Variants in PTPRD observed in about 807,000 individuals in gnomAD.
The protein encoded by PTPRD is receptor-type tyrosine-protein phosphatase delta.
Under a neutral mutation model 214.5 loss-of-function variants are expected in PTPRD, and 34 were observed. The observed-to-expected ratio is 0.16, with a 90% CI of 0.12 to 0.21. PTPRD has a LOEUF of 0.21. Among genes scored for constraint, PTPRD ranks in the 10% least tolerant of loss-of-function variants. The pLI is 1.00. For missense variants in PTPRD, 2,545 were observed against 2,398.7 expected (o/e 1.06, Z -1.27); for synonymous variants, 1,128 against 845.7 (o/e 1.33, Z -5.79).
rs572906216 is a variant in PTPRD at position 9,924,778 on chromosome 9, T to G, written c.-368+13729A>C. ...TTAGCTTATTCCCTTTGACAGATACTTGAAAGCTAAAGTTTTGTGGGATTC... is the reference window on the plus strand; with the variant it reads ...TTAGCTTATTCCCTTTGACAGATACGTGAAAGCTAAAGTTTTGTGGGATTC... On this transcript the variant is annotated intron_variant, in intron 5 of 45. Transcript: ENST00000381196. Among the ~76,000 whole-genome samples the G allele has an allele frequency of 5.7e-3, 866 of 152,220 alleles. 7 individuals are homozygous for G. The highest frequency in any genetic ancestry group is 0.019 in the African/African-American group (802 of 41,560).
chr9:10,369,880 T>C (rs1405983866), intron 2 of PTPRD, among the ~76,000 whole-genome samples: 3 of 152,062 alleles, frequency 2.0e-5, no homozygotes, highest in South Asian at 2.1e-4. Flanking sequence ...TCATATTAAA[T>C]AGAAACATAG....
intron 9 of PTPRD, among the ~76,000 whole-genome samples, chr9:9,347,044 G>A (rs1218989154): frequency 6.6e-6 from 1 of 152,014 alleles, no homozygotes; most frequent in Non-Finnish European, 1.5e-5. Flanking sequence ...GCGCACGCTT[G>A]TAACCTTAAC....
At chr9:9,903,126 AAG>A (rs1322255451) in intron 5 of PTPRD, among the ~76,000 whole-genome samples, 1 of 152,148 alleles carries the variant, frequency 6.6e-6, no homozygotes, top group East Asian at 1.9e-4. Flanking sequence ...TCAAATGTGA[AAG>A]AAACAGCTAA....
intron 5 of PTPRD, among the ~76,000 whole-genome samples, chr9:9,916,880 A>G (rs745991420): frequency 6.6e-6 from 1 of 151,976 alleles, no homozygotes; most frequent in Non-Finnish European, 1.5e-5. Flanking sequence ...TATCCCATTG[A>G]TCACAATAGA....
intron 44 of PTPRD, among the ~76,000 whole-genome samples, chr9:8,326,640 A>G (rs1332151353): frequency 1.3e-5 from 2 of 150,578 alleles, no homozygotes; most frequent in Non-Finnish European, 1.5e-5. Context: ...TTTCAGAAGG[A>G]ATGGTACCAA....
intron 3 of PTPRD, among the ~76,000 whole-genome samples, chr9:10,302,418 AT>A (rs2095890120): frequency 6.6e-6 from 1 of 152,200 alleles, no homozygotes; most frequent in Non-Finnish European, 1.5e-5. Context: ...ACATAACAAT[AT>A]TAACCGTAAA....
chr9:8,766,145 G>A (rs1125028), intron 11 of PTPRD, among the ~76,000 whole-genome samples: 8,298 of 149,360 alleles, frequency 0.056, 577 homozygotes, highest in African/African-American at 0.17. Flanking sequence ...AGGTCCTCAG[G>A]TAACATCATT....
intron 4 of PTPRD, among the ~76,000 whole-genome samples, chr9:10,004,899 C>A (rs901184518): frequency 5.3e-5 from 8 of 152,114 alleles, no homozygotes; most frequent in Admixed American, 1.3e-4. Flanking sequence ...GAAGGACTGG[C>A]TCTAGCAAAT....
chr9:10,426,967 G>A (rs908593881), intron 2 of PTPRD, among the ~76,000 whole-genome samples: 5 of 151,980 alleles, frequency 3.3e-5, no homozygotes, highest in Non-Finnish European at 7.4e-5. Flanking sequence ...GAGGCCCAAT[G>A]TATCAATATT....
chr9:9,499,547 G>C (rs190269737), intron 8 of PTPRD, among the ~76,000 whole-genome samples: 3 of 152,134 alleles, frequency 2.0e-5, no homozygotes, highest in East Asian at 1.9e-4. Flanking sequence ...TTAAAATTAA[G>C]ACATTATTTT....
At chr9:9,959,493 A>G (rs1566736748) in intron 4 of PTPRD, among the ~76,000 whole-genome samples, 1 of 152,208 alleles carries the variant, frequency 6.6e-6, no homozygotes. Context: ...TAATGTATAG[A>G]CATTTAAAAA....
chr9:8,482,762 GCCACTTGTGGCCA>G (rs1246389260), intron 30 of PTPRD, among the ~76,000 whole-genome samples: 1 of 152,046 alleles, frequency 6.6e-6, no homozygotes, highest in Non-Finnish European at 1.5e-5. Context: ...TCCTTCTCTT[GCCACTTGTGGCCA>G]GGCGCTCTGG....
chr9:8,524,080 TA>T (rs939921174), intron 18 of PTPRD, among the ~76,000 whole-genome samples: 1 of 150,982 alleles, frequency 6.6e-6, no homozygotes, highest in African/African-American at 2.4e-5. Flanking sequence ...TTCCACTGGA[TA>T]AAAAAAACTA....
chr9:10,143,626 T>C (rs560723476), intron 3 of PTPRD, among the ~76,000 whole-genome samples: 4 of 152,178 alleles, frequency 2.6e-5, no homozygotes, highest in South Asian at 2.1e-4. Flanking sequence ...TGCAGCACCA[T>C]TCACAATAGC....
At chr9:9,018,070 C>T (rs1210355300) in intron 11 of PTPRD, among the ~76,000 whole-genome samples, 1 of 151,952 alleles carries the variant, frequency 6.6e-6, no homozygotes, top group Non-Finnish European at 1.5e-5. Flanking sequence ...CGTCTTTCTT[C>T]TTTATTATTT....
chr9:10,540,007 G>C (rs1015953907), intron 2 of PTPRD, among the ~76,000 whole-genome samples: 6 of 152,054 alleles, frequency 3.9e-5, no homozygotes, highest in South Asian at 2.1e-4. Context: ...CAACATAGTG[G>C]GGCAAACTAT....
chr9:9,865,518 A>G (rs988136992), intron 5 of PTPRD, among the ~76,000 whole-genome samples: 2 of 152,170 alleles, frequency 1.3e-5, no homozygotes, highest in Non-Finnish European at 2.9e-5. Context: ...AAGCAAGAAG[A>G]TTCTCATCAG....
intron 5 of PTPRD, among the ~76,000 whole-genome samples, chr9:9,901,143 C>A (rs974880342): frequency 5.9e-5 from 9 of 152,092 alleles, no homozygotes; most frequent in Non-Finnish European, 8.8e-5. Flanking sequence ...CACGGCGAGA[C>A]TGGAAGCAAG....
intron 9 of PTPRD, among the ~76,000 whole-genome samples, chr9:9,266,415 C>T (rs1939703371): frequency 6.6e-6 from 1 of 151,078 alleles, no homozygotes; most frequent in Admixed American, 6.6e-5. Flanking sequence ...CAAACATATA[C>T]AGAACACTTC....
Sources: gnomAD v4.1 joint callset for allele counts (sites outside exome capture counted in the v4.1 genomes callset) on GRCh38, gnomAD v4.1.1 for gene constraint, MANE v1.5 for transcripts, NCBI Gene and HGNC (gene_info 2026-07-23, HGNC 2026-07-21) for gene names.